Variants in RBPJ observed in about 807,000 individuals in gnomAD.
RBPJ encodes recombining binding protein suppressor of hairless.
Under a neutral mutation model 67.8 loss-of-function variants are expected in RBPJ, and 9 were observed. The ratio of observed to expected loss-of-function variants is 0.13; its 90% CI spans 0.08 to 0.23. The LOEUF (loss-of-function observed/expected upper bound fraction) is 0.23. RBPJ is among the 10% of genes least tolerant of loss of function. The pLI, the probability that RBPJ is intolerant of heterozygous loss-of-function variation, is 1.00. For synonymous variants in RBPJ, 198 were observed against 203.3 expected (o/e 0.97, Z 0.22); for missense variants, 305 against 595.6 (o/e 0.51, Z 5.08).
In RBPJ at chr4:26,234,913, G is replaced by A. The variant is rs374429072; in HGVS notation, c.-167+71299G>A. ...TCACCATGTTGGCCAGGCTGGTTTC[G>A]AACTCCTGACCTCAAGTGATCGCCC... On this transcript the variant is annotated intron_variant, in intron 1 of 4. Transcript: ENST00000512351. Among the ~76,000 whole-genome samples the A allele has an allele frequency of 2.0e-4, 30 of 152,038 alleles. No homozygotes were observed. In the South Asian group the frequency reaches 5.0e-3, roughly 25 times the overall value.
chr4:26,366,121 G>T (rs1342734610), intron 1 of RBPJ, among the ~76,000 whole-genome samples: 1 of 152,198 alleles, frequency 6.6e-6, no homozygotes, highest in East Asian at 1.9e-4. Context: ...TTCTGTGTCA[G>T]TGGCATGTGT....
chr4:26,400,360 A>G (rs1250598174), intron 2 of RBPJ, among the ~76,000 whole-genome samples: 1 of 152,246 alleles, frequency 6.6e-6, no homozygotes. Context: ...TGATGCTGCT[A>G]CATAGTCCTA....
At chr4:26,428,894 G>A (rs746096310) in intron 8 of RBPJ, 34 bp downstream of exon 8, 3 of 1,544,754 alleles carry the variant, frequency 1.9e-6, no homozygotes. Flanking sequence ...AATCTAAAAT[G>A]TACAAACTGT....
rs562502580 is a variant in RBPJ, at chr4:26,253,405, G to C, written c.-167+89791G>C. Among the ~76,000 whole-genome samples, 3 of 141,722 alleles carry C rather than the reference G, an allele frequency of 2.1e-5. No homozygotes were observed. In the South Asian group the frequency reaches 6.5e-4, roughly 31 times the overall value. 93.0% of individuals were successfully genotyped at this position (141,722 alleles called of 152,430 possible). On this transcript the variant is annotated intron_variant, in intron 1 of 4. Transcript: ENST00000512351. Reference sequence around the variant, plus strand: ...CGGCTCACTGCAAGCTCCGCCTTCCGGGTTCACGCCATTCTCCTAGCTCAG... The same window carrying C: ...CGGCTCACTGCAAGCTCCGCCTTCCCGGTTCACGCCATTCTCCTAGCTCAG...
the RBPJ span, among the ~76,000 whole-genome samples, chr4:26,109,537 GCCACTGTGCCTGTCCACCTTCC>G: frequency 1.1e-5 from 1 of 87,928 alleles, no homozygotes; most frequent in Non-Finnish European, 2.3e-5. Context: ...TATATATATA[GCCACTGTGCCTGTCCACCTTCC>G]TCTCTCTCTC....
At chr4:26,293,762 TTTC>T (rs1267618466) in intron 1 of RBPJ, among the ~76,000 whole-genome samples, 2 of 137,840 alleles carry the variant, frequency 1.5e-5, no homozygotes, top group Admixed American at 7.0e-5. Flanking sequence ...GAAGTGTTTT[TTTC>T]TTCTTTTTTT....
intron 1 of RBPJ, among the ~76,000 whole-genome samples, chr4:26,191,836 A>G (rs1328075183): frequency 6.6e-6 from 1 of 152,138 alleles, no homozygotes; most frequent in African/African-American, 2.4e-5. Flanking sequence ...ACAGTGAACC[A>G]CGCTTATCAG....
chr4:26,107,470 C>G, the RBPJ span, among the ~76,000 whole-genome samples: 2 of 152,246 alleles, frequency 1.3e-5, no homozygotes, highest in Non-Finnish European at 2.9e-5. Context: ...GCCACCAGTT[C>G]AAGACAACAC....
intron 1 of RBPJ, among the ~76,000 whole-genome samples, chr4:26,292,899 A>G (rs1577396187): frequency 6.6e-6 from 1 of 150,470 alleles, no homozygotes; most frequent in Non-Finnish European, 1.5e-5. Context: ...TGTCTTGGCT[A>G]TTGTGAATAA....
intron 1 of RBPJ, among the ~76,000 whole-genome samples, chr4:26,194,780 A>G (rs919283138): frequency 8.5e-5 from 13 of 152,296 alleles, no homozygotes; most frequent in Middle Eastern, 3.4e-3. Context: ...ACACGATACA[A>G]ATGCAAAATA....
intron 1 of RBPJ, among the ~76,000 whole-genome samples, chr4:26,376,595 G>A (rs796432794): frequency 1.5e-4 from 23 of 152,284 alleles, no homozygotes; most frequent in African/African-American, 5.5e-4. Context: ...ATGAATATTA[G>A]TGTACAACTG....
chr4:26,241,998 T>C (rs1325239298), intron 1 of RBPJ, among the ~76,000 whole-genome samples: 1 of 152,238 alleles, frequency 6.6e-6, no homozygotes, highest in African/African-American at 2.4e-5. Flanking sequence ...GGATCCTCTG[T>C]GGGATTTGTT....
intron 1 of RBPJ, among the ~76,000 whole-genome samples, chr4:26,172,947 T>G (rs1374186944): frequency 6.6e-6 from 1 of 152,086 alleles, no homozygotes; most frequent in Non-Finnish European, 1.5e-5. Context: ...TGGGGGCAAG[T>G]GAAAGGATAT....
At chr4:26,346,711 G>A (rs1045014889) in intron 1 of RBPJ, among the ~76,000 whole-genome samples, 2 of 152,140 alleles carry the variant, frequency 1.3e-5, no homozygotes, top group African/African-American at 4.8e-5. Flanking sequence ...TGTATTGGCC[G>A]GGCGCTGCGG....
the RBPJ span, among the ~76,000 whole-genome samples, chr4:26,158,400 G>A: frequency 1.1e-4 from 16 of 152,124 alleles, no homozygotes; most frequent in East Asian, 2.3e-3. Context: ...GGTATCCTTC[G>A]GATAAATTGC....
intron 1 of RBPJ, among the ~76,000 whole-genome samples, chr4:26,217,049 A>C (rs1415541422): frequency 1.3e-5 from 2 of 152,152 alleles, no homozygotes; most frequent in African/African-American, 4.8e-5. Flanking sequence ...GTGCTCTTTG[A>C]GATTCTAGGC....
intron 1 of RBPJ, among the ~76,000 whole-genome samples, chr4:26,177,032 T>A (rs1716815679): frequency 6.6e-6 from 1 of 152,220 alleles, no homozygotes; most frequent in Admixed American, 6.5e-5. Context: ...CTGGTTTCTT[T>A]CCTTCTTAGA....
chr4:26,227,303 A>T (rs780421387), intron 1 of RBPJ, among the ~76,000 whole-genome samples: 35 of 152,160 alleles, frequency 2.3e-4, no homozygotes, highest in Non-Finnish European at 4.4e-4. Flanking sequence ...TGCTGTTTAG[A>T]TCCCAGCTCT....
chr4:26,386,211 T>C, intron 1 of RBPJ, 142 bp from the exon 2 acceptor site: 5 of 615,256 alleles, frequency 8.1e-6, no homozygotes, highest in Non-Finnish European at 1.4e-5. Flanking sequence ...TACAGATGCT[T>C]ACCAGAGGAT....
Sources: allele counts gnomAD v4.1 joint callset (sites outside exome capture counted in the v4.1 genomes callset), GRCh38; gene constraint gnomAD v4.1.1; transcripts MANE v1.5; gene names NCBI Gene and HGNC (gene_info 2026-07-23, HGNC 2026-07-21).